The following PIK3C2G variants were observed in gnomAD, a reference collection of about 807,000 sequenced individuals.
PIK3C2G encodes phosphatidylinositol-4-phosphate 3-kinase catalytic subunit type 2 gamma.
PIK3C2G carries 168 observed loss-of-function variants against 181.1 expected under a neutral mutation model. The ratio of observed to expected loss-of-function variants is 0.93; its 90% CI spans 0.82 to 1.05. The LOEUF is 1.05. Ranked by LOEUF, PIK3C2G falls within the 50% of genes least tolerant of loss-of-function variation. The pLI, the probability that PIK3C2G is intolerant of heterozygous loss-of-function variation, is 0.00. For synonymous variants in PIK3C2G, 573 were observed against 592.2 expected (o/e 0.97, Z 0.47); for missense variants, 1,869 against 1,732.8 (o/e 1.08, Z -1.40).
In PIK3C2G at chr12:18,277,482, A is replaced by G. The variant is rs1367239502; in HGVS notation, c.-78-4522A>G. On this transcript the variant is annotated intron_variant, in intron 1 of 32. Transcript: ENST00000538779. Reference sequence around the variant, plus strand: ...CATTGACACATCCTGTCTTGGCACAATCTCTATCTCCCATGACATTTATAT... The same window carrying G: ...CATTGACACATCCTGTCTTGGCACAGTCTCTATCTCCCATGACATTTATAT... Among the ~76,000 whole-genome samples, 4 of 152,234 alleles carry G rather than the reference A, an allele frequency of 2.6e-5. No homozygotes were observed. The South Asian group carries it at 6.2e-4, about 24-fold the overall frequency.
rs368026348 is a variant in PIK3C2G, at chr12:18,376,457, A to G, written c.1880+5146A>G. Reference sequence around the variant, plus strand: ...GAAGTAAGTAACTTGTTTTGATTTTATGGGCTCATAGGTTGAAAGAACTGA... The same window carrying G: ...GAAGTAAGTAACTTGTTTTGATTTTGTGGGCTCATAGGTTGAAAGAACTGA... On this transcript the variant is annotated intron_variant, in intron 13 of 32. Coordinates refer to ENST00000538779, the MANE Select transcript of PIK3C2G (RefSeq NM_001288772.2). Among the ~76,000 whole-genome samples the G allele has an allele frequency of 1.1e-4, 16 of 152,108 alleles. No individual in the cohort carries two copies. In the East Asian group the frequency reaches 1.2e-3, roughly 11 times the overall value.
the PIK3C2G span, among the ~76,000 whole-genome samples, chr12:18,704,493 T>C: frequency 4.9e-4 from 74 of 151,994 alleles, no homozygotes; most frequent in African/African-American, 1.8e-3. Context: ...ACCCAGCTAA[T>C]TTTTGTATTT....
rs114295533 is a variant in PIK3C2G, at chr12:18,618,259, T to G, written c.4182+8630T>G. On this transcript the variant is annotated intron_variant, in intron 31 of 32. Transcript: ENST00000538779. ...ACTGAAAGAACCAAGAAACGTGGCCTGTGTTTGCCAGAGACTATAGGAAAG... is the reference window on the plus strand; with the variant it reads ...ACTGAAAGAACCAAGAAACGTGGCCGGTGTTTGCCAGAGACTATAGGAAAG... 4.7e-3 allele frequency among the ~76,000 whole-genome samples: 717 copies of G among 152,250 alleles called. 4 individuals carry two copies. The highest frequency in any genetic ancestry group is 0.016 in the African/African-American group (682 of 41,554).
chr12:18,268,252 T>C (rs1380040932), intron 1 of PIK3C2G, among the ~76,000 whole-genome samples: 1 of 152,194 alleles, frequency 6.6e-6, no homozygotes, highest in Non-Finnish European at 1.5e-5. Context: ...TGGCTGGTAA[T>C]GCTATACTAA....
chr12:18,287,003 CTGA>C (rs1345850819), intron 3 of PIK3C2G, 74 bp downstream of exon 3: 3 of 617,246 alleles, frequency 4.9e-6, no homozygotes, highest in Non-Finnish European at 7.9e-6. Context: ...CATCACTGAA[CTGA>C]TTAATTTTGC....
At chr12:18,286,537 A>T (rs113048993) in intron 2 of PIK3C2G, among the ~76,000 whole-genome samples, 4 of 152,098 alleles carry the variant, frequency 2.6e-5, no homozygotes. Context: ...ATAAATCTAA[A>T]TAACAGTAGT....
rs760905266 is a variant in PIK3C2G at position 18,290,951 on chromosome 12, C to A, written c.858C>A (p.Thr286=). ...TTCCGTATCAGCTCTTTTCTAAGAC[C>A]AAGTTTAATATACATATTTTTATTG... ...TAFPYQLFSK[T]KFNIHIFIDN... The change falls in exon 4 of 33, where the codon ACC becomes ACA. Residue 286 remains threonine, a synonymous_variant. Transcript: ENST00000538779. 1 of 1,590,286 alleles carries A rather than the reference C, an allele frequency of 6.3e-7. No individual in the cohort carries two copies. The highest frequency in any genetic ancestry group is 2.2e-5 in the East Asian group (1 of 44,668).
At chr12:18,680,076 GTTA>G in the PIK3C2G span, among the ~76,000 whole-genome samples, 2,440 of 152,100 alleles carry the variant, frequency 0.016, 33 homozygotes, top group Admixed American at 0.025. Flanking sequence ...TTTCCAGTGT[GTTA>G]TTACTTGGAA....
intron 1 of PIK3C2G, among the ~76,000 whole-genome samples, chr12:18,256,492 C>G (rs951854630): frequency 6.6e-6 from 1 of 152,082 alleles, no homozygotes; most frequent in South Asian, 2.1e-4. Flanking sequence ...TCAGCCTAAC[C>G]TTCGAAACTA....
intron 31 of PIK3C2G, among the ~76,000 whole-genome samples, chr12:18,639,062 G>A (rs1182171768): frequency 6.6e-6 from 1 of 151,990 alleles, no homozygotes; most frequent in African/African-American, 2.4e-5. Context: ...CCCTCCTGGG[G>A]GAGGATATCA....
At chr12:18,549,742 G>C (rs751726286) in intron 26 of PIK3C2G, among the ~76,000 whole-genome samples, 14 of 152,008 alleles carry the variant, frequency 9.2e-5, no homozygotes, top group Non-Finnish European at 1.9e-4. Context: ...CATCAGCAGA[G>C]AACAGAAGTT....
chr12:18,478,277 C>T (rs1362350764), intron 18 of PIK3C2G, among the ~76,000 whole-genome samples: 1 of 152,162 alleles, frequency 6.6e-6, no homozygotes, highest in Non-Finnish European at 1.5e-5. Context: ...TATTTTATTA[C>T]AGCACATGTG....
At chr12:18,421,489 T>A (rs910242512) in intron 17 of PIK3C2G, among the ~76,000 whole-genome samples, 1 of 151,956 alleles carries the variant, frequency 6.6e-6, no homozygotes, top group Non-Finnish European at 1.5e-5. Flanking sequence ...ATAGTACATT[T>A]TAGTATCATC....
chr12:18,440,390 T>G (rs1226730159), intron 18 of PIK3C2G, among the ~76,000 whole-genome samples: 1 of 152,080 alleles, frequency 6.6e-6, no homozygotes, highest in East Asian at 1.9e-4. Flanking sequence ...AGAAATAAAA[T>G]CCATACTTGT....
chr12:18,535,135 G>C (rs1033034319), intron 24 of PIK3C2G, among the ~76,000 whole-genome samples: 7 of 151,974 alleles, frequency 4.6e-5, no homozygotes, highest in Admixed American at 2.0e-4. Context: ...ATAGGAATAG[G>C]TTTACATTTC....
intron 24 of PIK3C2G, among the ~76,000 whole-genome samples, chr12:18,532,858 A>G (rs995478657): frequency 6.9e-6 from 1 of 144,118 alleles, no homozygotes; most frequent in African/African-American, 2.6e-5. Flanking sequence ...ACTGGAGTAG[A>G]GTGGTTACAA....
intron 8 of PIK3C2G, among the ~76,000 whole-genome samples, chr12:18,336,311 G>A (rs949399079): frequency 1.3e-5 from 2 of 152,126 alleles, no homozygotes; most frequent in African/African-American, 4.8e-5. Context: ...GTAGAAAGGG[G>A]CAGAACCAGG....
chr12:18,594,718 A>C (rs1201987750), intron 30 of PIK3C2G, 149 bp downstream of exon 30: 1 of 444,220 alleles, frequency 2.3e-6, no homozygotes, highest in Non-Finnish European at 4.0e-6. Flanking sequence ...TCCATAGCGT[A>C]AACTTGAATA....
intron 20 of PIK3C2G, chr12:18,493,426 TATG>T (rs1481023669): frequency 6.6e-6 from 1 of 152,300 alleles, no homozygotes; most frequent in East Asian, 1.9e-4. Flanking sequence ...GCCCTATAAA[TATG>T]ATAAGCATGG....
Sources: gnomAD v4.1 joint callset for allele counts (sites outside exome capture counted in the v4.1 genomes callset) on GRCh38, gnomAD v4.1.1 for gene constraint, MANE v1.5 for transcripts, NCBI Gene and HGNC (gene_info 2026-07-23, HGNC 2026-07-21) for gene names.